APBB2: variants seen among roughly 807,000 people sequenced by gnomAD.
APBB2 encodes amyloid beta precursor protein binding family B member 2, also known as Fe65-like 1.
In APBB2, 38 loss-of-function variants were observed where a neutral mutation model predicts 82.5. The observed-to-expected ratio is 0.46, with a 90% CI of 0.36 to 0.60. The LOEUF (loss-of-function observed/expected upper bound fraction) is 0.60, where lower values mean the gene tolerates loss of function less well. Among genes scored for constraint, APBB2 ranks in the 20% least tolerant of loss-of-function variants. The pLI is 0.00. For missense variants in APBB2, 772 were observed against 972.3 expected (o/e 0.79, Z 2.74); for synonymous variants, 341 against 368.2 (o/e 0.93, Z 0.85).
Position 40,830,501 on chromosome 4 carries a change from T to C in APBB2, c.1606A>G (p.Lys536Glu). ...CHVFRCDTPAKAIATSLHEIC... is the reference protein window; with the variant it reads ...CHVFRCDTPAEAIATSLHEIC... ...TCGTGGAGACTTGTGGCAATGGCTT[T>C]TGCTGGTGTGTCACATCGAAATACA... Residue 536 changes from lysine to glutamate, a missense_variant, in exon 13 of 18, where the codon AAA becomes GAA. Lys to Glu is a moderately conservative substitution (Grantham distance 56). Coordinates refer to ENST00000508593, the MANE Select transcript of APBB2 (RefSeq NM_004307.2). 8 of 1,614,170 alleles carry C rather than the reference T, an allele frequency of 5.0e-6. No individual in the cohort carries two copies. The highest frequency in any genetic ancestry group is 6.8e-6 in the Non-Finnish European group (8 of 1,180,024).
intron 10 of APBB2, among the ~76,000 whole-genome samples, chr4:40,910,354 C>T (rs1432559605): frequency 6.6e-6 from 1 of 152,088 alleles, no homozygotes; most frequent in Non-Finnish European, 1.5e-5. Flanking sequence ...CCTCCAACCT[C>T]AGCCTCCCGA....
Position 41,209,804 on chromosome 4 carries a change from A to C in APBB2, c.-417+4601T>G, listed in dbSNP as rs77357976. ...AACCATTTTATAACAAATGAAAACT[A>C]TAAGGGAAGTAGGAATTGGGCAAAA... is the stretch of plus-strand genomic sequence containing the variant. On this transcript the variant is annotated intron_variant, in intron 1 of 17. Coordinates refer to ENST00000508593, the MANE Select transcript of APBB2 (RefSeq NM_004307.2). Among the ~76,000 whole-genome samples, 622 of 152,368 alleles carry C rather than the reference A, an allele frequency of 4.1e-3. 6 individuals carry two copies. Among genetic ancestry groups the C allele is most frequent in the African/African-American group, 0.014 (566 of 41,588 alleles).
intron 1 of APBB2, among the ~76,000 whole-genome samples, chr4:41,148,773 T>C (rs1220340848): frequency 6.6e-6 from 1 of 152,206 alleles, no homozygotes; most frequent in Non-Finnish European, 1.5e-5. Context: ...ATTCATTTAG[T>C]ACATTTTTTT....
chr4:41,013,439 A>G (rs1808938639), intron 6 of APBB2, 144 bp downstream of exon 6: 1 of 750,684 alleles, frequency 1.3e-6, no homozygotes, highest in Non-Finnish European at 2.2e-6. Context: ...ATATTTTGCA[A>G]ATAAATTGCC....
chr4:41,051,421 G>C (rs752553854), intron 4 of APBB2, among the ~76,000 whole-genome samples: 1 of 152,176 alleles, frequency 6.6e-6, no homozygotes, highest in African/African-American at 2.4e-5. Flanking sequence ...GCACTAGTTG[G>C]TCACAAAGTA....
chr4:40,908,787 C>T (rs1316422435), intron 10 of APBB2, among the ~76,000 whole-genome samples: 2 of 152,188 alleles, frequency 1.3e-5, no homozygotes. Context: ...TCAGAGCCGA[C>T]AATGGGGGAG....
At chr4:41,201,988 C>G (rs17660753) in intron 1 of APBB2, among the ~76,000 whole-genome samples, 12,159 of 152,252 alleles carry the variant, frequency 0.08, 694 homozygotes, top group Non-Finnish European at 0.12. Context: ...GTGACTTCCC[C>G]GCTCCTCGGA....
Position 41,042,928 on chromosome 4 carries a change from C to T in APBB2, c.-50-9624G>A, listed in dbSNP as rs148174492. On this transcript the variant is annotated intron_variant, in intron 4 of 17. Transcript: ENST00000508593. ...ATTGATACACTAGTTATAGCCACAACAACCAAATGAGATTGTAGAAGAGCT... is the reference window on the plus strand; with the variant it reads ...ATTGATACACTAGTTATAGCCACAATAACCAAATGAGATTGTAGAAGAGCT... Among the ~76,000 whole-genome samples the T allele has an allele frequency of 7.1e-4, 108 of 152,320 alleles. 1 individual carries two copies. The highest frequency in any genetic ancestry group is 2.4e-3 in the African/African-American group (101 of 41,570).
At chr4:40,934,360 TC>T in intron 10 of APBB2, 95 bp downstream of exon 10, 4 of 1,223,180 alleles carry the variant, frequency 3.3e-6, no homozygotes, top group Non-Finnish European at 4.8e-6. Context: ...ATTAAATGGC[TC>T]TGGGTTGATG....
chr4:41,163,932 C>A (rs1375965518), intron 1 of APBB2, among the ~76,000 whole-genome samples: 1 of 152,116 alleles, frequency 6.6e-6, no homozygotes, highest in Non-Finnish European at 1.5e-5. Context: ...TAAATGTTCT[C>A]TAACGTTTCA....
chr4:40,816,835 A>G (rs1745857388), intron 17 of APBB2, among the ~76,000 whole-genome samples: 1 of 152,240 alleles, frequency 6.6e-6, no homozygotes, highest in African/African-American at 2.4e-5. Flanking sequence ...GCAACACAGA[A>G]GGCATTCAGA....
At chr4:40,850,710 A>G (rs1193531879) in intron 12 of APBB2, among the ~76,000 whole-genome samples, 2 of 152,188 alleles carry the variant, frequency 1.3e-5, no homozygotes, top group Non-Finnish European at 2.9e-5. Flanking sequence ...AGCCTCAAAT[A>G]TTTAATATGT....
intron 6 of APBB2, among the ~76,000 whole-genome samples, chr4:40,982,330 A>AGAAGGAAG (rs202091127): frequency 8.5e-5 from 2 of 23,624 alleles, no homozygotes; most frequent in African/African-American, 1.5e-4. Flanking sequence ...AAGAAAAGAA[A>AGAAGGAAG]GAAGGAAGGA....
intron 12 of APBB2, among the ~76,000 whole-genome samples, chr4:40,845,079 G>C (rs1757080108): frequency 6.6e-6 from 1 of 152,158 alleles, no homozygotes; most frequent in African/African-American, 2.4e-5. Context: ...AGCAGACTTG[G>C]AAAAAATGCT....
chr4:40,852,466 C>A (rs1374446509), intron 12 of APBB2, among the ~76,000 whole-genome samples: 1 of 151,478 alleles, frequency 6.6e-6, no homozygotes, highest in Non-Finnish European at 1.5e-5. Context: ...TAGTCTGATT[C>A]TTTATTTTCA....
chr4:40,814,995 A>G lies in APBB2; in HGVS notation c.*1097T>C, dbSNP rs1172673539. The stretch of plus-strand genomic sequence containing the variant: ...CCTAATGTAATTTGTTGCCATGGAC[A>G]ATACATGATGGACAGACAGCTTTCT... On this transcript the variant is annotated 3_prime_UTR_variant, in exon 18 of 18. Coordinates refer to ENST00000508593, the MANE Select transcript of APBB2 (RefSeq NM_004307.2). The G allele has an allele frequency of 6.6e-6, 1 of 152,386 alleles. No homozygotes were observed. The highest frequency in any genetic ancestry group is 2.4e-5 in the African/African-American group (1 of 41,458). The allele number at this position is 152,386 out of a possible 1,614,324, so 9.4% of individuals were successfully genotyped here.
intron 8 of APBB2, 155 bp downstream of exon 8, chr4:40,934,922 A>G: frequency 1.4e-6 from 1 of 710,408 alleles, no homozygotes; most frequent in Non-Finnish European, 2.3e-6. Context: ...CACCAAAAAA[A>G]GGCAACAGGA....
rs952112653 is a variant in APBB2 at position 40,826,992 on chromosome 4, C to T, written c.1732+140G>A. The T allele has an allele frequency of 4.2e-6, 3 of 706,020 alleles. No homozygotes were observed. Among genetic ancestry groups the T allele is most frequent in the African/African-American group, 1.8e-5 (1 of 55,520 alleles). The allele number at this position is 706,020 out of a possible 1,614,324, so 43.7% of individuals were successfully genotyped here. ...AACTCTGTGCCTCTGTGAGACCCAG[C>T]GTGCAGGCTCAACTTGTGCTTACTG... On this transcript the variant is annotated intron_variant, in intron 14 of 17. Coordinates refer to ENST00000508593, the MANE Select transcript of APBB2 (RefSeq NM_004307.2). The surrounding 1 kb of genome is among the most constrained non-coding windows in gnomAD (Gnocchi z 4.5).
At chr4:40,998,305 T>C (rs1804208131) in intron 6 of APBB2, among the ~76,000 whole-genome samples, 2 of 152,206 alleles carry the variant, frequency 1.3e-5, no homozygotes, top group Admixed American at 6.5e-5. Flanking sequence ...TGAACCAATA[T>C]GTTCCAAATA....
Sources: gnomAD v4.1 joint callset for allele counts (sites outside exome capture counted in the v4.1 genomes callset) on GRCh38, gnomAD v4.1.1 for gene constraint, Gnocchi (gnomAD v3.1) non-coding constraint, MANE v1.5 for transcripts, NCBI Gene and HGNC (gene_info 2026-07-23, HGNC 2026-07-21) for gene names.